Variants in ADAMTS18 observed in about 807,000 individuals in gnomAD.
ADAMTS18 encodes ADAM metallopeptidase with thrombospondin type 1 motif 18.
Under a neutral mutation model 165.9 loss-of-function variants are expected in ADAMTS18, and 157 were observed. The observed-to-expected ratio is 0.95, with a 90% CI of 0.83 to 1.08. The LOEUF (loss-of-function observed/expected upper bound fraction) is 1.08, where lower values mean the gene tolerates loss of function less well. Among genes scored for constraint, ADAMTS18 ranks in the 50% least tolerant of loss-of-function variants. ADAMTS18 has a pLI of 0.00. For synonymous variants in ADAMTS18, 782 were observed against 578.2 expected, an observed-to-expected ratio of 1.35 and a Z score of -5.06; for missense variants, 2,040 against 1,534.0, an observed-to-expected ratio of 1.33 and a Z score of -5.51.
chr16:77,317,920 C>G lies in ADAMTS18; in HGVS notation c.2532+1929G>C, dbSNP rs1256918960. Among the ~76,000 whole-genome samples, 3 of 152,110 alleles carry G rather than the reference C, an allele frequency of 2.0e-5. No individual in the cohort carries two copies. The East Asian group carries it at 5.8e-4, about 29-fold the overall frequency. On this transcript the variant is annotated intron_variant, in intron 16 of 22. Coordinates refer to ENST00000282849, the MANE Select transcript of ADAMTS18 (RefSeq NM_199355.4). ...GAAGTAGCTACCTCTGAAAAATTGCCTTATTCATCACTAATCTGACCAAAA... is the reference window on the plus strand; with the variant it reads ...GAAGTAGCTACCTCTGAAAAATTGCGTTATTCATCACTAATCTGACCAAAA...
At chr16:77,287,062 G>C (rs563380857) in intron 22 of ADAMTS18, among the ~76,000 whole-genome samples, 17 of 152,158 alleles carry the variant, frequency 1.1e-4, no homozygotes, top group Admixed American at 3.9e-4. Flanking sequence ...GGAGGATGCA[G>C]CCATGGGCAG....
chr16:77,431,392 G>T lies in ADAMTS18; in HGVS notation c.398C>A (p.Ser133Ter), dbSNP rs972911389. 6.2e-7 allele frequency: 1 copy of T among 1,614,028 alleles called. No homozygotes were observed. The highest frequency in any genetic ancestry group is 8.5e-7 in the Non-Finnish European group (1 of 1,180,038). The change falls in exon 3 of 23, where the codon TCA (serine) becomes TAA (stop). Residue 133 changes from serine to a stop codon, truncating the protein, a stop_gained. Coordinates refer to ENST00000282849, the MANE Select transcript of ADAMTS18 (RefSeq NM_199355.4). LOFTEE classifies it high-confidence loss of function. ...CTGCACCTCGGGTTTCTGAGTCTCT[G>T]AAGCACCATCTTTTCCAAGTACCTG... ...IVQVLGKDGA[S>*]ETQKPEVQQC...
At chr16:77,290,913 T>C (rs2055349366) in intron 21 of ADAMTS18, 4 of 290,326 alleles carry the variant, frequency 1.4e-5, no homozygotes, top group Admixed American at 6.3e-5. Flanking sequence ...GAGTAAAGGC[T>C]GTGAGCAGCA....
intron 3 of ADAMTS18, among the ~76,000 whole-genome samples, chr16:77,385,547 T>G (rs1239447722): frequency 1.3e-5 from 2 of 152,188 alleles, no homozygotes; most frequent in Non-Finnish European, 2.9e-5. Flanking sequence ...CTTGTTTCTG[T>G]GGTGGTAATG....
At chr16:77,422,514 T>A (rs1163374948) in intron 3 of ADAMTS18, among the ~76,000 whole-genome samples, 1 of 123,076 alleles carries the variant, frequency 8.1e-6, no homozygotes. Flanking sequence ...TGCAGGGAGA[T>A]GGGGAGGGAG....
intron 10 of ADAMTS18, among the ~76,000 whole-genome samples, chr16:77,342,388 T>C (rs766615636): frequency 3.6e-4 from 55 of 152,246 alleles, no homozygotes; most frequent in Admixed American, 6.5e-4. Flanking sequence ...AAAAATGTTC[T>C]ACAGTTGCTT....
intron 3 of ADAMTS18, among the ~76,000 whole-genome samples, chr16:77,374,218 CAA>C (rs567551649): frequency 2.3e-4 from 20 of 85,358 alleles, no homozygotes; most frequent in Admixed American, 2.8e-4. Flanking sequence ...GACTCCATCT[CAA>C]AAAAAAAAAA....
At chr16:77,398,250 G>A (rs542732233) in intron 3 of ADAMTS18, among the ~76,000 whole-genome samples, 1 of 152,220 alleles carries the variant, frequency 6.6e-6, no homozygotes, top group East Asian at 1.9e-4. Context: ...CTGAGAGGCA[G>A]AGGTTGCAGT....
At position 77,378,340 on chromosome 16, in the gene ADAMTS18, CAAAA is replaced by C. The variant is rs1396279956; in HGVS notation, c.496-10621_496-10618del. On this transcript the variant is annotated intron_variant, in intron 3 of 22. Coordinates refer to ENST00000282849, the MANE Select transcript of ADAMTS18 (RefSeq NM_199355.4). ...CTTGTCTCAAAAACAAAAACAAAAA[CAAAA>C]AAAAACAAAAAAAAAAAAAACCAAG... 3.7e-4 allele frequency among the ~76,000 whole-genome samples: 25 copies of C among 68,476 alleles called. 2 individuals carry two copies. Among genetic ancestry groups the C allele is most frequent in the Admixed American group, 3.1e-3 (19 of 6,190 alleles). The allele number at this position is 68,476 out of a possible 152,430, so 44.9% of individuals were successfully genotyped here. A position where few individuals can be genotyped will look rare whatever the true frequency, so the allele number is the denominator to read the frequency against.
chr16:77,418,946 C>T (rs986726341), intron 3 of ADAMTS18, among the ~76,000 whole-genome samples: 1 of 152,156 alleles, frequency 6.6e-6, no homozygotes, highest in South Asian at 2.1e-4. Context: ...GTCAGGAGTT[C>T]GAGATCAGCC....
chr16:77,377,377 C>G (rs528267426), intron 3 of ADAMTS18, among the ~76,000 whole-genome samples: 1 of 152,148 alleles, frequency 6.6e-6, no homozygotes, highest in Non-Finnish European at 1.5e-5. Context: ...TATAAATAAG[C>G]TTCCTGAAGG....
intron 3 of ADAMTS18, among the ~76,000 whole-genome samples, chr16:77,389,867 G>A (rs74025991): frequency 0.02 from 3,011 of 152,272 alleles, 86 homozygotes; most frequent in African/African-American, 0.068. Context: ...GCTGTTAGGA[G>A]TAAAAAGTGG....
Position 77,431,474 on chromosome 16 carries a change from G to C in ADAMTS18, c.316C>G (p.Gln106Glu). 6.2e-7 allele frequency: 1 copy of C among 1,614,224 alleles called. No homozygotes were observed. The change falls in exon 3 of 23, where the codon CAG becomes GAG. Residue 106 changes from glutamine (Q) to glutamate (E), a missense_variant. Physicochemically the swap from Gln to Glu is conservative, Grantham distance 29. Transcript: ENST00000282849. Reference sequence around the variant, plus strand: ...GGCTTAAGTTCTAAGTGCAGTTCCTGTCCAAATGCTGAAAATCGGTAGTGC... The same window carrying C: ...GGCTTAAGTTCTAAGTGCAGTTCCTCTCCAAATGCTGAAAATCGGTAGTGC... ...SLHYRFSAFG[Q>E]ELHLELKPSA...
At chr16:77,298,838 C>T (rs2055526088) in intron 17 of ADAMTS18, among the ~76,000 whole-genome samples, 1 of 152,116 alleles carries the variant, frequency 6.6e-6, no homozygotes. Flanking sequence ...TGAAGTTAAC[C>T]GTTGACTTTA....
chr16:77,319,761 A>G, intron 16 of ADAMTS18, 88 bp downstream of exon 16: 2 of 1,601,396 alleles, frequency 1.2e-6, no homozygotes. Context: ...CCTTTGAACT[A>G]GAAGGACTGG....
At chr16:77,326,533 C>A (rs1229004760) in intron 12 of ADAMTS18, among the ~76,000 whole-genome samples, 1 of 152,042 alleles carries the variant, frequency 6.6e-6, no homozygotes, top group African/African-American at 2.4e-5. Context: ...GAGGCATGCA[C>A]CACTACACCT....
intron 3 of ADAMTS18, among the ~76,000 whole-genome samples, chr16:77,379,316 T>G (rs2056998361): frequency 6.6e-6 from 1 of 152,092 alleles, no homozygotes. Context: ...AACAATCTCT[T>G]TTTGGTTTGG....
chr16:77,318,535 T>C (rs990916376), intron 16 of ADAMTS18, among the ~76,000 whole-genome samples: 1 of 152,136 alleles, frequency 6.6e-6, no homozygotes, highest in African/African-American at 2.4e-5. Flanking sequence ...ATTCAGGAAA[T>C]GAATGCATGA....
At chr16:77,285,887 C>T (rs571441517) in intron 22 of ADAMTS18, among the ~76,000 whole-genome samples, 29 of 152,294 alleles carry the variant, frequency 1.9e-4, no homozygotes, top group African/African-American at 7.0e-4. Context: ...CGCTTCCTGG[C>T]AGAGTTGACA....
Sources: gnomAD v4.1 joint callset for allele counts (sites outside exome capture counted in the v4.1 genomes callset) on GRCh38, gnomAD v4.1.1 for gene constraint, MANE v1.5 for transcripts, NCBI Gene and HGNC (gene_info 2026-07-23, HGNC 2026-07-21) for gene names.